Variants in CPNE3 observed in about 807,000 individuals in gnomAD.
CPNE3 encodes copine 3.
In CPNE3, 68 loss-of-function variants were observed where a neutral mutation model predicts 63.9. That is an observed-to-expected ratio of 1.06 (90% CI 0.87 to 1.30). The LOEUF is 1.30. CPNE3 is among the 50% of genes most tolerant of loss of function. The pLI, the probability that CPNE3 is intolerant of heterozygous loss-of-function variation, is 0.00. For synonymous variants in CPNE3, 219 were observed against 197.5 expected (o/e 1.11, Z -0.91); for missense variants, 665 against 578.1 (o/e 1.15, Z -1.54).
chr8:86,550,222 G>GAAGACAGACTACAAACTTT (rs1406054781), intron 12 of CPNE3, among the ~76,000 whole-genome samples: 12 of 152,110 alleles, frequency 7.9e-5, no homozygotes, highest in Non-Finnish European at 1.6e-4. Flanking sequence ...AAACAAAGTT[G>GAAGACAGACTACAAACTTT]AAGACAGACT....
In CPNE3 at chr8:86,553,064, A is replaced by G. The variant is rs1005834775; in HGVS notation, c.1121-1787A>G. 3.1e-4 allele frequency among the ~76,000 whole-genome samples: 46 copies of G among 148,456 alleles called. 1 individual carries two copies. Among genetic ancestry groups the G allele is most frequent in the Non-Finnish European group, 3.0e-4 (20 of 67,490 alleles). On this transcript the variant is annotated intron_variant, in intron 14 of 16. Transcript: ENST00000517490. ...TTTTTAGTAAAGACAGGGTTTCACC[A>G]TGTTGGCCAGGCTGGTCTAGAACTG... is the stretch of plus-strand genomic sequence containing the variant.
intron 11 of CPNE3, 122 bp from the exon 12 acceptor site, chr8:86,548,179 C>A: frequency 1.1e-6 from 1 of 914,930 alleles, no homozygotes; most frequent in Non-Finnish European, 1.6e-6. Flanking sequence ...TAGTGGTAGG[C>A]ATTTGTTAGG....
At chr8:86,526,616 G>A (rs541133015) in intron 2 of CPNE3, among the ~76,000 whole-genome samples, 6 of 151,956 alleles carry the variant, frequency 3.9e-5, no homozygotes, top group South Asian at 2.1e-4. Context: ...AGTCTCAAGC[G>A]ATCCTCCTAC....
chr8:86,547,071 T>C (rs1347674989), intron 10 of CPNE3, among the ~76,000 whole-genome samples: 1 of 152,208 alleles, frequency 6.6e-6, no homozygotes, highest in East Asian at 1.9e-4. Flanking sequence ...AGTATGTTTA[T>C]ATTAAACAAA....
In CPNE3 at chr8:86,558,591, A is replaced by G. The variant is rs1821374010; in HGVS notation, c.*181A>G. Reference sequence around the variant, plus strand: ...ATTTTGGGGGGACAGTGCCAAGTCCATCTTTGCCCAGTCAATTCAGTGATT... The same window carrying G: ...ATTTTGGGGGGACAGTGCCAAGTCCGTCTTTGCCCAGTCAATTCAGTGATT... On this transcript the variant is annotated 3_prime_UTR_variant, in exon 17 of 17. Transcript: ENST00000517490. 1.8e-6 allele frequency: 1 copy of G among 546,450 alleles called. No individual in the cohort carries two copies. The highest frequency in any genetic ancestry group is 3.3e-6 in the Non-Finnish European group (1 of 305,260). 33.9% of individuals were successfully genotyped at this position (546,450 alleles called of 1,614,324 possible).
chr8:86,529,103 A>G lies in CPNE3; in HGVS notation c.291A>G (p.Glu97=). 4 of 1,613,706 alleles carry G rather than the reference A, an allele frequency of 2.5e-6. No homozygotes were observed. The highest frequency in any genetic ancestry group is 3.4e-6 in the Non-Finnish European group (4 of 1,179,798). The change falls in exon 4 of 17, where the codon GAA becomes GAG. Residue 97 remains glutamate, a synonymous_variant. Transcript: ENST00000517490. ...TGAGTGATGATGACTTCTTAGGGGA[A>G]TGTGAATGTACCCTTGGACAAGTAA... The part of the protein sequence containing the change: ...IELSDDDFLG[E]CECTLGQIVS...
At chr8:86,525,893 CA>C (rs974584033) in intron 2 of CPNE3, among the ~76,000 whole-genome samples, 1 of 150,336 alleles carries the variant, frequency 6.7e-6, no homozygotes. Flanking sequence ...CTACCTTATG[CA>C]AAAAAAAATC....
chr8:86,531,608 T>G (rs1411775342), intron 5 of CPNE3, among the ~76,000 whole-genome samples: 1 of 152,160 alleles, frequency 6.6e-6, no homozygotes, highest in African/African-American at 2.4e-5. Flanking sequence ...TTTTCCCTAG[T>G]GGATTTTATT....
intron 2 of CPNE3, among the ~76,000 whole-genome samples, chr8:86,519,320 G>A (rs1176537208): frequency 1.3e-5 from 2 of 152,208 alleles, no homozygotes; most frequent in Non-Finnish European, 2.9e-5. Context: ...ACTTTGTAAT[G>A]ATAAAGAGAA....
Position 86,559,386 on chromosome 8 carries a change from G to T in CPNE3, c.*976G>T, listed in dbSNP as rs1383203652. Reference sequence around the variant, plus strand: ...AAAATTTTATACTTTCCTTGCTAAGGTCCCATATATTGATTTGTACAGATC... The same window carrying T: ...AAAATTTTATACTTTCCTTGCTAAGTTCCCATATATTGATTTGTACAGATC... On this transcript the variant is annotated 3_prime_UTR_variant, in exon 17 of 17. Coordinates refer to ENST00000517490, the MANE Select transcript of CPNE3 (RefSeq NM_003909.5). The T allele has an allele frequency of 6.6e-6, 1 of 151,940 alleles. No homozygotes were observed. Among genetic ancestry groups the T allele is most frequent in the African/African-American group, 2.4e-5 (1 of 41,358 alleles). 9.4% of individuals were successfully genotyped at this position (151,940 alleles called of 1,614,324 possible). A position where few individuals can be genotyped will look rare whatever the true frequency, so the allele number is the denominator to read the frequency against.
intron 2 of CPNE3, among the ~76,000 whole-genome samples, chr8:86,515,775 C>T (rs1011577769): frequency 1.3e-5 from 2 of 152,092 alleles, no homozygotes; most frequent in African/African-American, 4.8e-5. Context: ...GTGCTTGACA[C>T]GTAGTTAGTG....
At chr8:86,539,074 T>C (rs1820869632) in intron 7 of CPNE3, among the ~76,000 whole-genome samples, 1 of 152,222 alleles carries the variant, frequency 6.6e-6, no homozygotes, top group Admixed American at 6.5e-5. Context: ...CATTCCTCTT[T>C]CATCTCTCTC....
rs147000050 is a variant in CPNE3 at position 86,554,873 on chromosome 8, G to A, written c.1143G>A (p.Ala381=). The change falls in exon 15 of 17, where the codon GCG becomes GCA. Residue 381 remains alanine (A), a synonymous_variant. Coordinates refer to ENST00000517490, the MANE Select transcript of CPNE3 (RefSeq NM_003909.5). ...YCNGIQGIVE[A]YRSCLPQIKL... ...TAGGAATCCAAGGCATTGTAGAGGCGTATCGGTCTTGTCTTCCTCAGATAA... is the reference window on the plus strand; with the variant it reads ...TAGGAATCCAAGGCATTGTAGAGGCATATCGGTCTTGTCTTCCTCAGATAA... The A allele has an allele frequency of 1.4e-4, 229 of 1,614,000 alleles. No homozygotes were observed. The African/African-American group carries it at 2.6e-3, about 19-fold the overall frequency.
chr8:86,548,275 T>A, intron 11 of CPNE3, 26 bp from the exon 12 acceptor site: 2 of 1,612,678 alleles, frequency 1.2e-6, no homozygotes, highest in Middle Eastern at 1.8e-4. Flanking sequence ...TTCTCCTTAC[T>A]AAGGGCTGCA....
At position 86,520,720 on chromosome 8, in the gene CPNE3, C is replaced by T. The variant is rs552531921; in HGVS notation, c.-11+5221C>T. 1.3e-4 allele frequency among the ~76,000 whole-genome samples: 19 copies of T among 142,694 alleles called. No homozygotes were observed. The South Asian group carries it at 2.4e-3, about 18-fold the overall frequency. The allele number at this position is 142,694 out of a possible 152,430, so 93.6% of individuals were successfully genotyped here. A position where few individuals can be genotyped will look rare whatever the true frequency, so the allele number is the denominator to read the frequency against. ...TGTCACCCAGGCTGGAGTGCAGTGG[C>T]GCAATCTTGGCTCACTGCAACCTCT... is the stretch of plus-strand genomic sequence containing the variant. On this transcript the variant is annotated intron_variant, in intron 2 of 16. Coordinates refer to ENST00000517490, the MANE Select transcript of CPNE3 (RefSeq NM_003909.5).
chr8:86,548,263 C>T (rs768266503), intron 11 of CPNE3, 38 bp from the exon 12 acceptor site: 1 of 1,609,740 alleles, frequency 6.2e-7, no homozygotes. Flanking sequence ...GGTGTCCCTG[C>T]CTTCTCCTTA....
chr8:86,540,548 T>A (rs1391536019), intron 8 of CPNE3, among the ~76,000 whole-genome samples: 1 of 152,188 alleles, frequency 6.6e-6, no homozygotes, highest in East Asian at 1.9e-4. Context: ...GTTGACCTAA[T>A]GCTTAGTCAA....
intron 6 of CPNE3, among the ~76,000 whole-genome samples, chr8:86,533,267 G>A (rs1406295341): frequency 6.6e-6 from 1 of 152,136 alleles, no homozygotes; most frequent in Non-Finnish European, 1.5e-5. Context: ...TTAGGGCTAG[G>A]CATGGTGGCT....
intron 12 of CPNE3, among the ~76,000 whole-genome samples, chr8:86,549,360 A>C (rs1350727105): frequency 6.6e-6 from 1 of 152,214 alleles, no homozygotes; most frequent in Non-Finnish European, 1.5e-5. Context: ...GTCAAATATA[A>C]CATAGGATTA....
Sources: gnomAD v4.1 joint callset for allele counts (sites outside exome capture counted in the v4.1 genomes callset) on GRCh38, gnomAD v4.1.1 for gene constraint, MANE v1.5 for transcripts, NCBI Gene and HGNC (gene_info 2026-07-23, HGNC 2026-07-21) for gene names.